The following SCN9A variants were observed in gnomAD, a reference collection of about 807,000 sequenced individuals.
SCN9A encodes the protein sodium channel protein type 9 subunit alpha.
Under a neutral mutation model 187.0 loss-of-function variants are expected in SCN9A, and 131 were observed. That is an observed-to-expected ratio of 0.70 (90% CI 0.61 to 0.81). The LOEUF is 0.81. Ranked by LOEUF, SCN9A falls within the 30% of genes least tolerant of loss-of-function variation. The probability of loss-of-function intolerance (pLI) is 0.00; values close to 1 mark genes in which losing one functional copy is unlikely to be tolerated. For missense variants in SCN9A, 2,252 were observed against 2,396.6 expected (o/e 0.94, Z 1.26); for synonymous variants, 809 against 808.6 (o/e 1.00, Z -0.01).
intron 1 of SCN9A, among the ~76,000 whole-genome samples, chr2:166,368,902 G>T (rs945630345): frequency 6.7e-6 from 1 of 149,656 alleles, no homozygotes; most frequent in Admixed American, 6.7e-5. Flanking sequence ...CAGGAGAATT[G>T]CTTGAACCTG....
At chr2:166,213,091 A>AC (rs1359947232) in intron 24 of SCN9A, among the ~76,000 whole-genome samples, 3 of 152,118 alleles carry the variant, frequency 2.0e-5, no homozygotes, top group African/African-American at 7.2e-5. Flanking sequence ...AAAAGAACAA[A>AC]CTAAGCCCAA....
intron 17 of SCN9A, among the ~76,000 whole-genome samples, chr2:166,271,901 T>A (rs1697009255): frequency 6.6e-6 from 1 of 151,990 alleles, no homozygotes; most frequent in South Asian, 2.1e-4. Context: ...AGCGATACTT[T>A]GCGGATCATG....
At chr2:166,280,763 A>G (rs1002379170) in intron 13 of SCN9A, among the ~76,000 whole-genome samples, 168 bp from the exon 14 acceptor site, 3 of 152,236 alleles carry the variant, frequency 2.0e-5, no homozygotes, top group African/African-American at 7.2e-5. Flanking sequence ...TAAGTCTATT[A>G]TGACATGTTC....
At chr2:166,233,203 A>ATG (rs1558969557) in intron 21 of SCN9A, 137 bp downstream of exon 21, 4 of 472,404 alleles carry the variant, frequency 8.5e-6, no homozygotes, top group Non-Finnish European at 1.4e-5. Flanking sequence ...GTATATATGT[A>ATG]TATGTACACA....
intron 22 of SCN9A, 59 bp downstream of exon 22, chr2:166,228,630 ACT>A (rs1694947049): frequency 7.9e-7 from 1 of 1,265,958 alleles, no homozygotes; most frequent in Non-Finnish European, 1.1e-6. Context: ...TTAAAGAATA[ACT>A]TATATCCTTC....
At chr2:166,362,373 T>C (rs1226292233) in intron 1 of SCN9A, among the ~76,000 whole-genome samples, 2 of 151,994 alleles carry the variant, frequency 1.3e-5, no homozygotes, top group Non-Finnish European at 2.9e-5. Context: ...ATGAAACTCA[T>C]GTGATATTGT....
intron 1 of SCN9A, among the ~76,000 whole-genome samples, chr2:166,352,606 T>C (rs1425391700): frequency 6.6e-6 from 1 of 152,234 alleles, no homozygotes; most frequent in Non-Finnish European, 1.5e-5. Flanking sequence ...CATTAGACTC[T>C]TAATGAACTG....
intron 2 of SCN9A, among the ~76,000 whole-genome samples, chr2:166,309,663 T>C (rs959653314): frequency 1.4e-4 from 21 of 150,546 alleles, no homozygotes; most frequent in Non-Finnish European, 2.2e-4. Context: ...ATCGTGAAAA[T>C]GGCCATACTG....
chr2:166,213,235 C>A (rs1487668792), intron 24 of SCN9A, among the ~76,000 whole-genome samples: 1 of 151,014 alleles, frequency 6.6e-6, no homozygotes, highest in Non-Finnish European at 1.5e-5. Flanking sequence ...CCTTAGCAAG[C>A]ATAACTAAGA....
At chr2:166,211,062 G>A (rs555587469) in intron 24 of SCN9A, among the ~76,000 whole-genome samples, 10 of 30,550 alleles carry the variant, frequency 3.3e-4, no homozygotes, top group Admixed American at 1.3e-3. Context: ...ACTCTATCTC[G>A]GAAAAAAAAG....
rs930761731 is a variant in SCN9A at position 166,366,603 on chromosome 2, T to C, written c.-51+9094A>G. 2.0e-5 allele frequency among the ~76,000 whole-genome samples: 3 copies of C among 152,210 alleles called. No homozygotes were observed. The East Asian group carries it at 5.8e-4, about 29-fold the overall frequency. ...CCATAGCAGCTACACTATTATACAT[T>C]CCCACCAACAGTGGACAATGCTTTC... On this transcript the variant is annotated intron_variant, in intron 1 of 26. Coordinates refer to ENST00000642356, the MANE Select transcript of SCN9A (RefSeq NM_001365536.1).
Position 166,288,610 on chromosome 2 carries a change from A to T in SCN9A, c.1141T>A (p.Phe381Ile). Residue 381 changes from phenylalanine to isoleucine, a missense_variant, in exon 10 of 27, where the codon TTC (phenylalanine) becomes ATC (isoleucine). Around this residue, in one of 7 missense-constraint regions of SCN9A, gnomAD observed 1,013 missense variants for 997.4 expected, o/e 1.02. Coordinates refer to ENST00000642356, the MANE Select transcript of SCN9A (RefSeq NM_001365536.1). ...LRAAGKTYMI[F>I]FVVVIFLGSF... is the part of the protein sequence containing the mutation. Reference sequence around the variant, plus strand: ...CCCAGGAAAATCACTACGACAAAGAAGATCATGTAGGTTTTGCCAGCAGCA... The same window carrying T: ...CCCAGGAAAATCACTACGACAAAGATGATCATGTAGGTTTTGCCAGCAGCA... 6.2e-7 allele frequency: 1 copy of T among 1,608,932 alleles called. No homozygotes were observed. The highest frequency in any genetic ancestry group is 8.5e-7 in the Non-Finnish European group (1 of 1,176,728).
chr2:166,365,506 A>C (rs954673432), intron 1 of SCN9A, among the ~76,000 whole-genome samples: 5 of 152,182 alleles, frequency 3.3e-5, no homozygotes, highest in Admixed American at 2.0e-4. Context: ...GCAGGTTAGT[A>C]ATCCCTACAA....
intron 24 of SCN9A, among the ~76,000 whole-genome samples, chr2:166,226,173 C>T (rs1031404389): frequency 2.0e-5 from 3 of 151,928 alleles, no homozygotes; most frequent in Non-Finnish European, 4.4e-5. Context: ...CGTTGGTCTC[C>T]CCAAGCTCCA....
intron 2 of SCN9A, among the ~76,000 whole-genome samples, chr2:166,307,602 A>C (rs563898086): frequency 1.1e-3 from 164 of 152,328 alleles, no homozygotes; most frequent in Middle Eastern, 6.8e-3. Flanking sequence ...CCTTCCAATC[A>C]CTGAGTTCAA....
intron 24 of SCN9A, among the ~76,000 whole-genome samples, chr2:166,212,489 A>C (rs1694141132): frequency 6.6e-6 from 1 of 152,248 alleles, no homozygotes; most frequent in South Asian, 2.1e-4. Context: ...AAATACGTAA[A>C]GCAATCATTG....
intron 17 of SCN9A, among the ~76,000 whole-genome samples, chr2:166,271,680 C>T (rs997320189): frequency 2.0e-5 from 3 of 151,954 alleles, no homozygotes; most frequent in Admixed American, 6.6e-5. Flanking sequence ...CATAGTGAAA[C>T]CTTGTCTCTA....
At position 166,198,653 on chromosome 2, in the gene SCN9A, A is replaced by G; in HGVS notation, c.*19T>C. The G allele has an allele frequency of 6.5e-7, 1 of 1,528,294 alleles. No individual in the cohort carries two copies. The highest frequency in any genetic ancestry group is 8.9e-7 in the Non-Finnish European group (1 of 1,124,010). The allele number at this position is 1,528,294 out of a possible 1,614,324, so 94.7% of individuals were successfully genotyped here. A position where few individuals can be genotyped will look rare whatever the true frequency, so the allele number is the denominator to read the frequency against. The stretch of plus-strand genomic sequence containing the variant: ...AAATCACTTTCACAGGCTGTAAACA[A>G]TATATCAAAAATGAAGCTCTATTTT... On this transcript the variant is annotated 3_prime_UTR_variant, in exon 27 of 27. Transcript: ENST00000642356.
intron 16 of SCN9A, among the ~76,000 whole-genome samples, chr2:166,273,403 T>C (rs566904445): frequency 2.0e-5 from 3 of 152,264 alleles, no homozygotes; most frequent in Admixed American, 6.5e-5. Context: ...GTTCCTGTAA[T>C]AAAATATTCT....
Sources: gnomAD v4.1 joint callset for allele counts (sites outside exome capture counted in the v4.1 genomes callset) on GRCh38, gnomAD v4.1.1 for gene constraint, gnomAD v4.1.1 regional missense constraint, MANE v1.5 for transcripts, NCBI Gene and HGNC (gene_info 2026-07-23, HGNC 2026-07-21) for gene names.